Variants in VEZT observed in about 807,000 individuals in gnomAD.
VEZT encodes the protein vezatin.
A neutral mutation model predicts 79.9 loss-of-function variants in VEZT; 39 were observed. The ratio of observed to expected loss-of-function variants is 0.49; its 90% CI spans 0.38 to 0.64. The LOEUF (loss-of-function observed/expected upper bound fraction) is 0.64. Among genes scored for constraint, VEZT ranks in the 30% least tolerant of loss-of-function variants. The pLI is 0.00. For synonymous variants in VEZT, 325 were observed against 327.6 expected (o/e 0.99, Z 0.09); for missense variants, 837 against 893.1 (o/e 0.94, Z 0.80).
intron 1 of VEZT, among the ~76,000 whole-genome samples, chr12:95,220,091 C>T (rs1408045955): frequency 6.6e-6 from 1 of 152,160 alleles, no homozygotes; most frequent in East Asian, 1.9e-4. Context: ...GGACAGGGCA[C>T]AGATCACAAG....
chr12:95,248,841 A>G (rs995891160), intron 1 of VEZT, among the ~76,000 whole-genome samples: 3 of 151,326 alleles, frequency 2.0e-5, no homozygotes, highest in Non-Finnish European at 4.4e-5. Flanking sequence ...AAAAAAAAGA[A>G]AGAAAGAAAA....
intron 1 of VEZT, among the ~76,000 whole-genome samples, chr12:95,236,054 T>G (rs1326002123): frequency 6.6e-6 from 1 of 152,014 alleles, no homozygotes; most frequent in Non-Finnish European, 1.5e-5. Flanking sequence ...CTCGGCACTT[T>G]GGGAGGCCAA....
In VEZT at chr12:95,266,426, C is replaced by T; in HGVS notation, c.504C>T (p.Ser168=). 1.9e-6 allele frequency: 3 copies of T among 1,613,844 alleles called. No homozygotes were observed. Among genetic ancestry groups the T allele is most frequent in the Non-Finnish European group, 2.5e-6 (3 of 1,179,858 alleles). ...VMLPTWWIVS[S]WLVWGVILFV... ...TTCCCACTTGGTGGATTGTGTCTTCCTGGCTGGTATGGGGAGTGATTCTAT... is the reference window on the plus strand; with the variant it reads ...TTCCCACTTGGTGGATTGTGTCTTCTTGGCTGGTATGGGGAGTGATTCTAT... Residue 168 remains serine (S), a synonymous_variant, in exon 5 of 12, where the codon TCC becomes TCT. Transcript: ENST00000436874.
chr12:95,265,583 A>AT (rs2065378441), intron 4 of VEZT, among the ~76,000 whole-genome samples: 1 of 151,522 alleles, frequency 6.6e-6, no homozygotes, highest in Non-Finnish European at 1.5e-5. Flanking sequence ...GATTCCATAT[A>AT]TTTTTTATTT....
intron 3 of VEZT, chr12:95,258,209 G>A (rs908963525): frequency 4.4e-6 from 2 of 455,670 alleles, no homozygotes; most frequent in African/African-American, 2.0e-5. Context: ...TCAATGAAGT[G>A]TCTTATCGTC....
In VEZT at chr12:95,252,083, T is replaced by C. The variant is rs1298059274; in HGVS notation, c.168+12T>C. ...GAGTCCTACCAAAAGTAAGAACGCA[T>C]GCTCATTCTTTCTGGCCGAATCTTT... On this transcript the variant is annotated intron_variant, in intron 2 of 11. Transcript: ENST00000436874. 6.3e-7 allele frequency: 1 copy of C among 1,598,652 alleles called. No individual in the cohort carries two copies. The highest frequency in any genetic ancestry group is 1.1e-5 in the South Asian group (1 of 87,620).
chr12:95,246,747 A>T (rs1219175644), intron 1 of VEZT, among the ~76,000 whole-genome samples: 1 of 152,218 alleles, frequency 6.6e-6, no homozygotes, highest in Non-Finnish European at 1.5e-5. Context: ...GAGGTTTCTC[A>T]TATTTCTTTT....
chr12:95,244,367 C>T (rs774840493), intron 1 of VEZT, among the ~76,000 whole-genome samples: 10 of 152,226 alleles, frequency 6.6e-5, no homozygotes, highest in Non-Finnish European at 1.0e-4. Flanking sequence ...GGTGACAGAA[C>T]GAGACCCTGT....
intron 3 of VEZT, among the ~76,000 whole-genome samples, chr12:95,261,963 G>T (rs543685128): frequency 4.1e-4 from 63 of 152,296 alleles, no homozygotes; most frequent in African/African-American, 1.3e-3. Flanking sequence ...TCTACCATGT[G>T]CACTCTGTGC....
chr12:95,292,098 C>A (rs956030992), intron 9 of VEZT, among the ~76,000 whole-genome samples: 1 of 152,166 alleles, frequency 6.6e-6, no homozygotes, highest in Admixed American at 6.5e-5. Context: ...CCACATCCGG[C>A]CTCTTGCTAG....
At chr12:95,291,254 T>C (rs1237688701) in intron 9 of VEZT, among the ~76,000 whole-genome samples, 1 of 152,184 alleles carries the variant, frequency 6.6e-6, no homozygotes, top group Non-Finnish European at 1.5e-5. Flanking sequence ...TGTGCGCATG[T>C]GTATGTGTGT....
At chr12:95,257,277 T>C in intron 3 of VEZT, 38 bp downstream of exon 3, 2 of 1,440,764 alleles carry the variant, frequency 1.4e-6, no homozygotes, top group South Asian at 2.6e-5. Context: ...TTCAGGGTTC[T>C]AGGTTATTAG....
chr12:95,226,167 T>C (rs910168208), intron 1 of VEZT, among the ~76,000 whole-genome samples: 1 of 152,014 alleles, frequency 6.6e-6, no homozygotes, highest in African/African-American at 2.4e-5. Flanking sequence ...TCTGCTCTTC[T>C]TCCACCTTCC....
intron 3 of VEZT, chr12:95,258,401 A>G (rs1267146667): frequency 2.5e-6 from 1 of 393,444 alleles, no homozygotes; most frequent in African/African-American, 2.1e-5. Flanking sequence ...GTTTCACTAT[A>G]CAGTGCCAGC....
intron 1 of VEZT, among the ~76,000 whole-genome samples, chr12:95,231,232 T>C (rs958598780): frequency 1.3e-5 from 2 of 152,220 alleles, no homozygotes; most frequent in Non-Finnish European, 2.9e-5. Flanking sequence ...AAATAAACAC[T>C]AATACTAAAA....
intron 1 of VEZT, among the ~76,000 whole-genome samples, chr12:95,223,866 G>T (rs1289648416): frequency 1.3e-5 from 2 of 151,890 alleles, no homozygotes; most frequent in Non-Finnish European, 2.9e-5. Flanking sequence ...TCATCTATTT[G>T]TGTTTATTTT....
At chr12:95,245,352 T>G (rs548694541) in intron 1 of VEZT, among the ~76,000 whole-genome samples, 41 of 152,342 alleles carry the variant, frequency 2.7e-4, no homozygotes, top group African/African-American at 8.7e-4. Flanking sequence ...TTAAGGAAGC[T>G]GAAACAGGGA....
At chr12:95,222,292 G>T (rs1226215131) in intron 1 of VEZT, among the ~76,000 whole-genome samples, 1 of 152,174 alleles carries the variant, frequency 6.6e-6, no homozygotes, top group Non-Finnish European at 1.5e-5. Context: ...TTCCCATTTA[G>T]ATCTGTCATC....
intron 1 of VEZT, among the ~76,000 whole-genome samples, chr12:95,227,433 C>T (rs1489461781): frequency 3.3e-5 from 5 of 149,952 alleles, no homozygotes; most frequent in African/African-American, 7.3e-5. Context: ...CTCCACCTCC[C>T]GGGTTCAAGC....
Sources: gnomAD v4.1 joint callset for allele counts (sites outside exome capture counted in the v4.1 genomes callset) on GRCh38, gnomAD v4.1.1 for gene constraint, MANE v1.5 for transcripts, NCBI Gene and HGNC (gene_info 2026-07-23, HGNC 2026-07-21) for gene names.